PDE4D: variants seen among roughly 807,000 people sequenced by gnomAD.
PDE4D encodes phosphodiesterase 4D, also known as 3',5'-cyclic-AMP phosphodiesterase 4D.
PDE4D carries 24 observed loss-of-function variants against 87.4 expected under a neutral mutation model. The ratio of observed to expected loss-of-function variants is 0.27; its 90% CI spans 0.20 to 0.39. The LOEUF is 0.39. Ranked by LOEUF, PDE4D falls within the 10% of genes least tolerant of loss-of-function variation. The pLI is 1.00. For missense variants in PDE4D, 714 were observed against 1,041.0 expected, an observed-to-expected ratio of 0.69 and a Z score of 4.32; for synonymous variants, 384 against 383.2, an observed-to-expected ratio of 1.00 and a Z score of -0.02.
chr5:60,449,378 T>G (rs1369997731), intron 1 of PDE4D, among the ~76,000 whole-genome samples: 1 of 150,990 alleles, frequency 6.6e-6, no homozygotes, highest in Non-Finnish European at 1.5e-5. Context: ...TCATTCTCAG[T>G]AAACTATCGC....
intron 1 of PDE4D, among the ~76,000 whole-genome samples, chr5:59,473,693 A>T (rs954436194): frequency 1.3e-5 from 2 of 152,098 alleles, no homozygotes; most frequent in Non-Finnish European, 2.9e-5. Flanking sequence ...TTTGTTTCAG[A>T]TGCATTTAAG....
chr5:60,162,532 A>C (rs1015792431), intron 2 of PDE4D, among the ~76,000 whole-genome samples: 36 of 152,224 alleles, frequency 2.4e-4, no homozygotes, highest in African/African-American at 7.9e-4. Context: ...TTGATCTACA[A>C]AATCCAAACT....
At chr5:59,292,151 T>G (rs570261718) in intron 1 of PDE4D, among the ~76,000 whole-genome samples, 1 of 152,204 alleles carries the variant, frequency 6.6e-6, no homozygotes, top group South Asian at 2.1e-4. Flanking sequence ...ACCATGAAAT[T>G]TAAGCCTTCA....
At chr5:59,506,049 C>T (rs912674655) in intron 1 of PDE4D, among the ~76,000 whole-genome samples, 5 of 151,558 alleles carry the variant, frequency 3.3e-5, no homozygotes, top group Admixed American at 6.6e-5. Flanking sequence ...TTCTGGGAAC[C>T]GTGAGAAAGT....
intron 1 of PDE4D, among the ~76,000 whole-genome samples, chr5:59,585,256 T>C (rs976781144): frequency 6.6e-6 from 1 of 152,214 alleles, no homozygotes; most frequent in Non-Finnish European, 1.5e-5. Context: ...ATTTTTTAGC[T>C]GAAAGCCGAA....
intron 1 of PDE4D, among the ~76,000 whole-genome samples, chr5:60,476,001 G>T (rs1166015255): frequency 6.6e-6 from 1 of 152,080 alleles, no homozygotes; most frequent in Admixed American, 6.6e-5. Flanking sequence ...CTATCCCTCA[G>T]GACTCAATCT....
intron 1 of PDE4D, among the ~76,000 whole-genome samples, chr5:60,358,353 T>G (rs2149947044): frequency 6.6e-6 from 1 of 152,354 alleles, no homozygotes; most frequent in South Asian, 2.1e-4. Context: ...CTTTTGCCTT[T>G]TACTTCTTCA....
chr5:60,210,062 A>G (rs1743011873), intron 1 of PDE4D, among the ~76,000 whole-genome samples: 1 of 152,326 alleles, frequency 6.6e-6, no homozygotes, highest in Non-Finnish European at 1.5e-5. Flanking sequence ...TTTGAGATCC[A>G]TACTAACTTA....
At chr5:59,558,380 G>T (rs294476) in intron 1 of PDE4D, among the ~76,000 whole-genome samples, 19,520 of 152,058 alleles carry the variant, frequency 0.13, 1,349 homozygotes, top group Admixed American at 0.18. Flanking sequence ...AAGTAGCTTT[G>T]GGGTGAAGCC....
chr5:60,286,155 A>G (rs943899469), intron 1 of PDE4D, among the ~76,000 whole-genome samples: 5 of 152,194 alleles, frequency 3.3e-5, no homozygotes, highest in Non-Finnish European at 7.4e-5. Flanking sequence ...CCCGGGAAAC[A>G]TGATAATTCT....
chr5:60,477,588 T>C (rs573056593), intron 1 of PDE4D, among the ~76,000 whole-genome samples: 28 of 152,310 alleles, frequency 1.8e-4, no homozygotes, highest in Admixed American at 5.9e-4. Context: ...GCCCAACTCA[T>C]GGCCTTCCTA....
chr5:59,317,390 A>T (rs1377303847), intron 1 of PDE4D, among the ~76,000 whole-genome samples: 1 of 152,126 alleles, frequency 6.6e-6, no homozygotes, highest in East Asian at 1.9e-4. Flanking sequence ...ATTAAAATCA[A>T]CTAACACATT....
intron 5 of PDE4D, among the ~76,000 whole-genome samples, chr5:59,162,201 G>A (rs1781208305): frequency 6.6e-6 from 1 of 152,148 alleles, no homozygotes; most frequent in Non-Finnish European, 1.5e-5. Flanking sequence ...CATTAACTTG[G>A]TTGGTGATTC....
At chr5:59,490,580 C>A (rs1004680901) in intron 1 of PDE4D, among the ~76,000 whole-genome samples, 2 of 152,118 alleles carry the variant, frequency 1.3e-5, no homozygotes, top group Admixed American at 1.3e-4. Context: ...ATAATGTAAA[C>A]CACTTAGAAA....
intron 1 of PDE4D, among the ~76,000 whole-genome samples, chr5:59,371,039 G>A (rs1240100413): frequency 1.3e-5 from 2 of 152,096 alleles, no homozygotes; most frequent in Non-Finnish European, 2.9e-5. Context: ...AACATCATGA[G>A]ACTTTTTGTT....
chr5:58,974,729 C>T lies in PDE4D; in HGVS notation c.2365G>A (p.Val789Ile), dbSNP rs1246841826. 2 of 1,612,978 alleles carry T rather than the reference C, an allele frequency of 1.2e-6. No homozygotes were observed. The highest frequency in any genetic ancestry group is 2.7e-5 in the African/African-American group (2 of 74,898). Residue 789 changes from valine to isoleucine, a missense_variant, in exon 15 of 15, where the codon GTA becomes ATA. Val to Ile is a conservative substitution (Grantham distance 29, BLOSUM62 3). Transcript: ENST00000340635. Reference protein sequence around the residue: ...PLDEQVEEEAVGEEEESQPEA... With the variant: ...PLDEQVEEEAIGEEEESQPEA... ...GGCTGGCTTTCCTCTTCTTCCCCTA[C>T]TGCCTCCTCTTCAACCTGTTCATCA...
At chr5:59,159,076 G>C (rs552262639) in intron 5 of PDE4D, among the ~76,000 whole-genome samples, 6 of 152,114 alleles carry the variant, frequency 3.9e-5, no homozygotes, top group Middle Eastern at 6.8e-3. Flanking sequence ...CATGTTTGCT[G>C]GAAGCCTTCA....
intron 6 of PDE4D, among the ~76,000 whole-genome samples, chr5:58,993,901 T>C (rs1369050063): frequency 1.3e-5 from 2 of 152,080 alleles, no homozygotes; most frequent in Non-Finnish European, 2.9e-5. Context: ...AGAGAGAAAC[T>C]AATTTATAGC....
intron 1 of PDE4D, among the ~76,000 whole-genome samples, chr5:59,239,225 T>G (rs1337764465): frequency 6.6e-6 from 1 of 152,222 alleles, no homozygotes; most frequent in Non-Finnish European, 1.5e-5. Flanking sequence ...CTTTAGTTGA[T>G]ATCTCAGGTA....
Sources: allele counts gnomAD v4.1 joint callset (sites outside exome capture counted in the v4.1 genomes callset), GRCh38; gene constraint gnomAD v4.1.1; transcripts MANE v1.5; gene names NCBI Gene and HGNC (gene_info 2026-07-23, HGNC 2026-07-21).